Variants in NLK observed in about 807,000 individuals in gnomAD.
NLK encodes the protein nemo like kinase, also known as serine/threonine-protein kinase NLK.
NLK carries 11 observed loss-of-function variants against 59.0 expected under a neutral mutation model. The ratio of observed to expected loss-of-function variants is 0.19; its 90% confidence interval spans 0.12 to 0.31. NLK has a LOEUF of 0.31. Among genes scored for constraint, NLK ranks in the 10% least tolerant of loss-of-function variants. The pLI is 1.00. For synonymous variants in NLK, 235 were observed against 235.9 expected (o/e 1.00, Z 0.03); for missense variants, 410 against 661.1 (o/e 0.62, Z 4.16).
At position 28,043,081 on chromosome 17, in the gene NLK, TCGGCAGCTG is replaced by T; in HGVS notation, c.216_224del (p.Ala81_Ala83del). On this transcript the variant is annotated inframe_deletion, in exon 1 of 11. Transcript: ENST00000407008. Reference sequence around the variant, plus strand: ...ACACCCTGTACAGCAGCACACCTCTTCGGCAGCTGCGGCAGCCGCAGCAGCGGCTGCAGC... The same window carrying T: ...ACACCCTGTACAGCAGCACACCTCTTCGGCAGCCGCAGCAGCGGCTGCAGC... 1.3e-6 allele frequency: 2 copies of T among 1,572,264 alleles called. No homozygotes were observed. Among genetic ancestry groups the T allele is most frequent in the African/African-American group, 1.4e-5 (1 of 73,790 alleles).
intron 7 of NLK, among the ~76,000 whole-genome samples, chr17:28,179,401 ATTTTATTTTAT>A (rs1597724999): frequency 3.3e-5 from 5 of 151,254 alleles, no homozygotes; most frequent in Admixed American, 6.6e-5. Flanking sequence ...AGCCTTTTTT[ATTTTATTTTAT>A]TTTTATTTTA....
rs529514665 is a variant in NLK, at chr17:28,043,219, G to T, written c.346G>T (p.Ala116Ser). 3.1e-6 allele frequency: 5 copies of T among 1,613,964 alleles called. No homozygotes were observed. The South Asian group carries it at 3.3e-5, about 11-fold the overall frequency. Residue 116 changes from alanine (A) to serine (S), a missense_variant, in exon 1 of 11, where the codon GCC becomes TCC. Coordinates refer to ENST00000407008, the MANE Select transcript of NLK (RefSeq NM_016231.5). The part of the protein sequence containing the change: ...AAAAPAQVQA[A>S]AAATVKAHHH... ...AGCAGCCCCAGCTCAGGTACAGGCT[G>T]CCGCAGCTGCTACAGTTAAGGCGCA... is the stretch of plus-strand genomic sequence containing the variant.
At chr17:28,136,063 A>G (rs1435167839) in intron 3 of NLK, among the ~76,000 whole-genome samples, 3 of 152,202 alleles carry the variant, frequency 2.0e-5, no homozygotes, top group Non-Finnish European at 4.4e-5. Context: ...GTTTCTTTGA[A>G]ATTTTCCTCC....
intron 3 of NLK, among the ~76,000 whole-genome samples, chr17:28,155,619 T>C (rs572733955): frequency 5.3e-5 from 8 of 152,316 alleles, no homozygotes; most frequent in Admixed American, 5.2e-4. Context: ...GATGAGTTCA[T>C]GTCCTTTGCA....
chr17:28,101,947 T>G (rs1904917023), intron 1 of NLK, among the ~76,000 whole-genome samples: 1 of 152,222 alleles, frequency 6.6e-6, no homozygotes, highest in Non-Finnish European at 1.5e-5. Flanking sequence ...TATAACCATT[T>G]TAGCTGCCTT....
intron 3 of NLK, among the ~76,000 whole-genome samples, chr17:28,143,109 T>A (rs1291634739): frequency 6.6e-6 from 1 of 151,248 alleles, no homozygotes; most frequent in Non-Finnish European, 1.5e-5. Context: ...AATGGCATGA[T>A]CTTGGCTCAC....
intron 3 of NLK, among the ~76,000 whole-genome samples, chr17:28,152,939 TTTTTTTATTTTTTA>T (rs1407736571): frequency 6.6e-6 from 1 of 151,776 alleles, no homozygotes; most frequent in African/African-American, 2.4e-5. Context: ...TACGTCAGGA[TTTTTTTATTTTTTA>T]TTTTTTATTT....
chr17:28,146,686 A>G (rs560835606), intron 3 of NLK, among the ~76,000 whole-genome samples: 2 of 152,308 alleles, frequency 1.3e-5, no homozygotes, highest in African/African-American at 2.4e-5. Flanking sequence ...TTATTTTAAA[A>G]ATCAATTTCC....
chr17:28,122,196 T>G (rs1240852086), intron 1 of NLK, among the ~76,000 whole-genome samples: 1 of 152,202 alleles, frequency 6.6e-6, no homozygotes, highest in Non-Finnish European at 1.5e-5. Context: ...CCCTCTCAAA[T>G]GTAGTTCTGA....
intron 1 of NLK, chr17:28,048,706 G>C (rs1228495780): frequency 3.3e-5 from 5 of 152,198 alleles, no homozygotes; most frequent in Admixed American, 2.0e-4. Context: ...TGGAGTGTCA[G>C]AGTTTTCTCT....
At chr17:28,046,786 C>T (rs1909071054) in intron 1 of NLK, among the ~76,000 whole-genome samples, 1 of 152,110 alleles carries the variant, frequency 6.6e-6, no homozygotes, top group East Asian at 1.9e-4. Context: ...GGCAACTTAA[C>T]ATATCAGAGA....
intron 1 of NLK, among the ~76,000 whole-genome samples, chr17:28,113,473 G>T (rs1310099334): frequency 6.6e-6 from 1 of 152,208 alleles, no homozygotes; most frequent in Non-Finnish European, 1.5e-5. Context: ...CTAAACAAAG[G>T]ATGGATTATT....
At chr17:28,164,046 A>G (rs778528368) in intron 5 of NLK, among the ~76,000 whole-genome samples, 1 of 152,230 alleles carries the variant, frequency 6.6e-6, no homozygotes, top group Non-Finnish European at 1.5e-5. Context: ...TGACCAAGGT[A>G]GCAAAGTAAG....
intron 2 of NLK, among the ~76,000 whole-genome samples, chr17:28,128,700 T>A (rs1443336609): frequency 1.3e-5 from 2 of 152,204 alleles, no homozygotes; most frequent in African/African-American, 4.8e-5. Context: ...TCTAATCCAT[T>A]GCTAGTGAGA....
At chr17:28,131,732 G>A (rs1906525757) in intron 2 of NLK, among the ~76,000 whole-genome samples, 1 of 152,066 alleles carries the variant, frequency 6.6e-6, no homozygotes, top group Non-Finnish European at 1.5e-5. Flanking sequence ...ACAGCTGGGA[G>A]GGGATTTGTT....
At chr17:28,185,647 C>G (rs1909087958) in intron 8 of NLK, among the ~76,000 whole-genome samples, 1 of 152,102 alleles carries the variant, frequency 6.6e-6, no homozygotes, top group Admixed American at 6.6e-5. Context: ...CTCCCAGGCC[C>G]AAGCAATCCT....
chr17:28,107,156 G>A lies in NLK; in HGVS notation c.459-15447G>A, dbSNP rs1009032833. Reference sequence around the variant, plus strand: ...ATATCATAGGAATAGCTACTAAGCCGGGCACAGTGGCTCACGCCTGTAATC... The same window carrying A: ...ATATCATAGGAATAGCTACTAAGCCAGGCACAGTGGCTCACGCCTGTAATC... On this transcript the variant is annotated intron_variant, in intron 1 of 10. Coordinates refer to ENST00000407008, the MANE Select transcript of NLK (RefSeq NM_016231.5). Among the ~76,000 whole-genome samples, 33 of 152,072 alleles carry A rather than the reference G, an allele frequency of 2.2e-4. 1 individual carries two copies. Among genetic ancestry groups the A allele is most frequent in the Admixed American group, 1.4e-3 (22 of 15,262 alleles).
chr17:28,197,493 A>G (rs530497017), downstream of NLK, among the ~76,000 whole-genome samples: 2 of 151,918 alleles, frequency 1.3e-5, no homozygotes, highest in Admixed American at 1.3e-4. Flanking sequence ...AACAGAAACT[A>G]AATTCCTTTA....
At chr17:28,196,575 A>G (rs1222869621), downstream of NLK, among the ~76,000 whole-genome samples, 10 of 152,356 alleles carry the variant, frequency 6.6e-5, no homozygotes, top group Admixed American at 6.5e-5. Flanking sequence ...AGTTAAATCA[A>G]TATCAAAGAT....
Sources: gnomAD v4.1 joint callset for allele counts (sites outside exome capture counted in the v4.1 genomes callset) on GRCh38, gnomAD v4.1.1 for gene constraint, MANE v1.5 for transcripts, NCBI Gene and HGNC (gene_info 2026-07-23, HGNC 2026-07-21) for gene names.